FAM83G: variants seen among roughly 807,000 people sequenced by gnomAD.
FAM83G encodes scaffolding CK1 anchoring protein G.
Under a neutral mutation model 61.5 loss-of-function variants are expected in FAM83G, and 38 were observed. The ratio of observed to expected loss-of-function variants is 0.62; its 90% CI spans 0.48 to 0.81. The LOEUF (loss-of-function observed/expected upper bound fraction) is 0.81, where lower values mean the gene tolerates loss of function less well. FAM83G is among the 30% of genes least tolerant of loss of function. FAM83G has a pLI of 0.00. For missense variants in FAM83G, 989 were observed against 1,133.6 expected (o/e 0.87, Z 1.83); for synonymous variants, 470 against 476.1 (o/e 0.99, Z 0.17).
Position 18,969,445 on chromosome 17 carries a change from T to C in FAM83G, c.*1914A>G. ...AAGGTGAGGACAGAGTCTGTGGCCA[T>C]GGCGGGGCTGTCCCCACAGCGAGCC... On this transcript the variant is annotated 3_prime_UTR_variant, in exon 6 of 6. Transcript: ENST00000388995. 1.9e-6 allele frequency: 3 copies of C among 1,607,186 alleles called. No homozygotes were observed. Among genetic ancestry groups the C allele is most frequent in the Middle Eastern group, 1.7e-4 (1 of 6,012 alleles).
At chr17:19,005,352 G>T (rs1035842664), upstream of FAM83G, among the ~76,000 whole-genome samples, 5 of 152,318 alleles carry the variant, frequency 3.3e-5, no homozygotes, top group African/African-American at 1.2e-4. Flanking sequence ...GCCGCTGTGG[G>T]CTGGGGTCAG....
intron 2 of FAM83G, among the ~76,000 whole-genome samples, chr17:18,989,185 C>G (rs1322290783): frequency 6.6e-6 from 1 of 150,506 alleles, no homozygotes; most frequent in Non-Finnish European, 1.5e-5. Flanking sequence ...ACCCTCCGAG[C>G]CTGGCACCAC....
At chr17:18,989,013 C>T (rs549520705) in intron 2 of FAM83G, among the ~76,000 whole-genome samples, 1 of 152,206 alleles carries the variant, frequency 6.6e-6, no homozygotes, top group African/African-American at 2.4e-5. Context: ...TGGGCCCGGC[C>T]CCAGTGGGGC....
At chr17:18,982,624 G>A (rs1044124183) in intron 3 of FAM83G, among the ~76,000 whole-genome samples, 28 of 152,188 alleles carry the variant, frequency 1.8e-4, no homozygotes, top group Middle Eastern at 3.2e-3. Flanking sequence ...TGCTCTCAGC[G>A]GGTGGCAAGG....
At chr17:18,977,498 G>T in intron 5 of FAM83G, 86 bp downstream of exon 5, 2 of 1,310,678 alleles carry the variant, frequency 1.5e-6, no homozygotes, top group Non-Finnish European at 2.1e-6. Context: ...TCAGGGACAT[G>T]GTAGCCCAGA....
At chr17:19,005,732 C>T (rs1475879837), upstream of FAM83G, among the ~76,000 whole-genome samples, 1 of 151,586 alleles carries the variant, frequency 6.6e-6, no homozygotes, top group East Asian at 2.0e-4. Flanking sequence ...CAATGACTAG[C>T]CTCCTAGGCC....
intron 3 of FAM83G, among the ~76,000 whole-genome samples, chr17:18,980,525 C>T (rs1381326218): frequency 1.3e-5 from 2 of 152,094 alleles, no homozygotes; most frequent in African/African-American, 4.8e-5. Context: ...ACATAAGGGC[C>T]CTCTGTCCCA....
rs2042853082 is a variant in FAM83G at position 18,971,526 on chromosome 17, G to T, written c.2305C>A (p.Pro769Thr). The change falls in exon 6 of 6, where the codon CCC (proline) becomes ACC (threonine). Residue 769 changes from proline to threonine, a missense_variant. Physicochemically the swap from Pro to Thr is conservative, Grantham distance 38 (BLOSUM62 -1). Around this residue, in one of 3 missense-constraint regions of FAM83G, gnomAD observed 574 missense variants for 645.1 expected, o/e 0.89. Coordinates refer to ENST00000388995, the MANE Select transcript of FAM83G (RefSeq NM_001039999.3). The surrounding 1 kb of genome is among the most constrained non-coding windows in gnomAD (Gnocchi z 5.5). ...TCGGTGGCCCTGCCATCGGTCATGG[G>T]GCGGGCATTTTGGGCCAGTCTTGGG... is the stretch of plus-strand genomic sequence containing the variant. The part of the protein sequence containing the change: ...GSPRLAQNAR[P>T]MTDGRATEEH... 6.2e-7 allele frequency: 1 copy of T among 1,613,932 alleles called. No individual in the cohort carries two copies. The highest frequency in any genetic ancestry group is 1.1e-5 in the South Asian group (1 of 91,086).
Position 18,971,803 on chromosome 17 carries a change from A to G in FAM83G, c.2083-55T>C, listed in dbSNP as rs769129711. 49 of 1,511,900 alleles carry G rather than the reference A, an allele frequency of 3.2e-5. No individual in the cohort carries two copies. The highest frequency in any genetic ancestry group is 4.2e-5 in the Non-Finnish European group (47 of 1,130,486). 93.7% of individuals were successfully genotyped at this position (1,511,900 alleles called of 1,614,324 possible). A position where few individuals can be genotyped will look rare whatever the true frequency, so the allele number is the denominator to read the frequency against. The stretch of plus-strand genomic sequence containing the variant: ...GAGCAAGAAGGGCCAACCCCGCCCC[A>G]GCACAGGACCCTGCTCAGGCACACA... On this transcript the variant is annotated intron_variant, in intron 5 of 5. Transcript: ENST00000388995. The surrounding 1 kb of genome is among the most constrained non-coding windows in gnomAD (Gnocchi z 5.5).
chr17:18,969,400 G>A lies in FAM83G; in HGVS notation c.*1959C>T. 1.2e-6 allele frequency: 2 copies of A among 1,613,818 alleles called. No homozygotes were observed. Reference sequence around the variant, plus strand: ...TGCAGACGCTCATCATGGTGGTGGGGGCTGTCATCCTGACAATCAAAGGTG... The same window carrying A: ...TGCAGACGCTCATCATGGTGGTGGGAGCTGTCATCCTGACAATCAAAGGTG... On this transcript the variant is annotated 3_prime_UTR_variant, in exon 6 of 6. Transcript: ENST00000388995.
At chr17:18,987,065 G>A (rs923712795) in intron 3 of FAM83G, among the ~76,000 whole-genome samples, 20 of 152,332 alleles carry the variant, frequency 1.3e-4, no homozygotes, top group Middle Eastern at 3.4e-3. Context: ...AACCGGAGGC[G>A]TTGGGGTTGG....
intron 2 of FAM83G, among the ~76,000 whole-genome samples, chr17:18,999,225 C>A (rs1418329656): frequency 6.6e-6 from 1 of 151,618 alleles, no homozygotes; most frequent in Non-Finnish European, 1.5e-5. Flanking sequence ...TTGCGGTGAG[C>A]AGAGATCGTG....
At chr17:18,989,953 C>A (rs571273082) in intron 2 of FAM83G, among the ~76,000 whole-genome samples, 1 of 152,218 alleles carries the variant, frequency 6.6e-6, no homozygotes, top group South Asian at 2.1e-4. Flanking sequence ...GTGGTCCCCC[C>A]AGAGCGGACA....
Position 19,003,974 on chromosome 17 carries a change from G to T in FAM83G, c.68C>A (p.Pro23His). The change falls in exon 2 of 6, where the codon CCT becomes CAT. Residue 23 changes from proline to histidine, a missense_variant. Coordinates refer to ENST00000388995, the MANE Select transcript of FAM83G (RefSeq NM_001039999.3). This position sits in a 1 kb window ranked among gnomAD's most constrained non-coding sequence, Gnocchi z 4.5. ...HVNWRSSESK[P>H]EFFYSEEQRL... ...CTGCTCCTCGCTGTAGAAGAACTCA[G>T]GCTTGGACTCGCTGGAGCGCCAGTT... 6.2e-7 allele frequency: 1 copy of T among 1,612,716 alleles called. No individual in the cohort carries two copies.
chr17:18,991,689 T>G (rs1384704412), intron 2 of FAM83G, among the ~76,000 whole-genome samples: 1 of 152,168 alleles, frequency 6.6e-6, no homozygotes, highest in Non-Finnish European at 1.5e-5. Flanking sequence ...CACGTGTGTG[T>G]CCTGCACCCC....
rs1002818354 is a variant in FAM83G at position 18,996,190 on chromosome 17, A to C, written c.522+7330T>G. Among the ~76,000 whole-genome samples the C allele has an allele frequency of 6.6e-6, 1 of 152,140 alleles. No individual in the cohort carries two copies. Among genetic ancestry groups the C allele is most frequent in the African/African-American group, 2.4e-5 (1 of 41,380 alleles). On this transcript the variant is annotated intron_variant, in intron 2 of 5. Coordinates refer to ENST00000388995, the MANE Select transcript of FAM83G (RefSeq NM_001039999.3). The surrounding 1 kb of genome is among the most constrained non-coding windows in gnomAD (Gnocchi z 4.4). ...ATACCCAGTAAAAATACATTTCAAA[A>C]CAAAAGGCAAACTAAAGACTTTTTC... is the stretch of plus-strand genomic sequence containing the variant.
rs138419984 is a variant in FAM83G, at chr17:18,985,555, C to T, written c.690+2692G>A. 1.1e-4 allele frequency among the ~76,000 whole-genome samples: 16 copies of T among 152,222 alleles called. No homozygotes were observed. The East Asian group carries it at 1.5e-3, about 15-fold the overall frequency. On this transcript the variant is annotated intron_variant, in intron 3 of 5. Transcript: ENST00000388995. ...GAAGTGCTCCCGGGACAGGTCTGGG[C>T]CCAGCTAGCTCAAGGTGAGGGAGGT...
At chr17:18,993,353 G>A (rs1168975273) in intron 2 of FAM83G, among the ~76,000 whole-genome samples, 3 of 152,154 alleles carry the variant, frequency 2.0e-5, no homozygotes, top group African/African-American at 4.8e-5. Flanking sequence ...GGCCTGTCTG[G>A]GTTGAGCGTG....
intron 3 of FAM83G, among the ~76,000 whole-genome samples, chr17:18,981,944 C>T (rs572483393): frequency 3.9e-5 from 6 of 152,206 alleles, no homozygotes; most frequent in Non-Finnish European, 7.3e-5. Context: ...TGAGCCCAAC[C>T]GAGCCCAGCT....
Sources: allele counts gnomAD v4.1 joint callset (sites outside exome capture counted in the v4.1 genomes callset), GRCh38; gene constraint gnomAD v4.1.1; regional missense constraint gnomAD v4.1.1; non-coding constraint Gnocchi (gnomAD v3.1); transcripts MANE v1.5; gene names NCBI Gene and HGNC (gene_info 2026-07-23, HGNC 2026-07-21).